Variants in NSRP1 observed in about 807,000 individuals in gnomAD.
The protein encoded by NSRP1 is coiled-coil domain containing 55.
A neutral mutation model predicts 54.7 loss-of-function variants in NSRP1; 24 were observed. The ratio of observed to expected loss-of-function variants is 0.44; its 90% CI spans 0.32 to 0.62. NSRP1 has a LOEUF of 0.62. Ranked by LOEUF, NSRP1 falls within the 20% of genes least tolerant of loss-of-function variation. The pLI is 0.06. For synonymous variants in NSRP1, 210 were observed against 213.8 expected (o/e 0.98, Z 0.15); for missense variants, 596 against 651.2 (o/e 0.92, Z 0.92).
chr17:30,171,976 C>CACACA (rs1567804388), intron 2 of NSRP1, among the ~76,000 whole-genome samples: 2 of 80,436 alleles, frequency 2.5e-5, no homozygotes, highest in Non-Finnish European at 5.0e-5. Flanking sequence ...ACACACACTC[C>CACACA]CTCTCTCTCT....
intron 6 of NSRP1, 126 bp downstream of exon 6, chr17:30,181,142 A>G: frequency 1.5e-6 from 1 of 656,938 alleles, no homozygotes; most frequent in Non-Finnish European, 2.7e-6. Flanking sequence ...AGCCAGCCTT[A>G]CCTAACTGAA....
At chr17:30,175,683 G>C (rs1905103190) in intron 3 of NSRP1, among the ~76,000 whole-genome samples, 1 of 152,076 alleles carries the variant, frequency 6.6e-6, no homozygotes, top group Non-Finnish European at 1.5e-5. Context: ...GGGATTACAG[G>C]CATGAGTTGC....
At chr17:30,138,457 G>A (rs1288727811) in intron 2 of NSRP1, among the ~76,000 whole-genome samples, 2 of 152,192 alleles carry the variant, frequency 1.3e-5, no homozygotes, top group South Asian at 2.1e-4. Context: ...ACCTATGCAC[G>A]TTCTCCCATA....
chr17:30,164,517 C>A (rs1904660636), intron 2 of NSRP1, among the ~76,000 whole-genome samples: 1 of 152,138 alleles, frequency 6.6e-6, no homozygotes, highest in South Asian at 2.1e-4. Context: ...GCACCATTGG[C>A]TGAGCATGGT....
intron 2 of NSRP1, among the ~76,000 whole-genome samples, chr17:30,170,073 A>T (rs1904873633): frequency 6.6e-6 from 1 of 152,122 alleles, no homozygotes; most frequent in Admixed American, 6.5e-5. Flanking sequence ...CCTTGCCCCC[A>T]CAAATGAAAG....
At chr17:30,132,951 T>G (rs1375804372) in intron 2 of NSRP1, among the ~76,000 whole-genome samples, 7 of 152,102 alleles carry the variant, frequency 4.6e-5, no homozygotes, top group Admixed American at 4.6e-4. Flanking sequence ...TGTATTTTTG[T>G]TTTTTCGAGA....
chr17:30,132,318 T>C (rs1241078826), intron 2 of NSRP1, among the ~76,000 whole-genome samples: 1 of 147,538 alleles, frequency 6.8e-6, no homozygotes, highest in Admixed American at 6.8e-5. Flanking sequence ...TTTGGGAGAC[T>C]GAAGTAGGCG....
intron 2 of NSRP1, among the ~76,000 whole-genome samples, chr17:30,166,665 A>G (rs937598223): frequency 6.6e-6 from 1 of 152,096 alleles, no homozygotes; most frequent in Non-Finnish European, 1.5e-5. Flanking sequence ...GCTCATGCCT[A>G]TAATCCTAGC....
intron 2 of NSRP1, among the ~76,000 whole-genome samples, chr17:30,170,360 C>T (rs1904885231): frequency 6.6e-6 from 1 of 151,992 alleles, no homozygotes; most frequent in African/African-American, 2.4e-5. Flanking sequence ...GCATGAATAC[C>T]ATATATAGTA....
At chr17:30,162,336 G>C (rs909419722) in intron 2 of NSRP1, among the ~76,000 whole-genome samples, 1 of 152,066 alleles carries the variant, frequency 6.6e-6, no homozygotes, top group Non-Finnish European at 1.5e-5. Context: ...AGCCAGCCAT[G>C]TCTATTTTTT....
At chr17:30,169,857 A>AG (rs1491186110) in intron 2 of NSRP1, among the ~76,000 whole-genome samples, 14 of 151,832 alleles carry the variant, frequency 9.2e-5, no homozygotes, top group Non-Finnish European at 1.8e-4. Flanking sequence ...AAAAAAAAAA[A>AG]GCACCAATTG....
chr17:30,155,419 G>T (rs570037017), intron 2 of NSRP1, among the ~76,000 whole-genome samples: 1 of 152,064 alleles, frequency 6.6e-6, no homozygotes, highest in African/African-American at 2.4e-5. Flanking sequence ...TGTTCAATAT[G>T]ATATTTTTCT....
In NSRP1 at chr17:30,185,673, G is replaced by A. The variant is rs754465146; in HGVS notation, c.1676G>A (p.Ter559=). Residue 559 remains the stop codon, a stop_retained_variant, in exon 7 of 7, where the codon TGA becomes TAA. Transcript: ENST00000247026. ...AKTYIEKEDD[*] ...ACCTATATTGAGAAAGAAGATGATT[G>A]ATGGCTACCCCAAGAGAAAGATTTA... The A allele has an allele frequency of 4.5e-6, 7 of 1,556,176 alleles. No homozygotes were observed. In the Admixed American group the frequency reaches 1.1e-4, roughly 23 times the overall value.
intron 2 of NSRP1, among the ~76,000 whole-genome samples, chr17:30,139,494 T>C (rs1014382315): frequency 6.6e-6 from 1 of 152,192 alleles, no homozygotes; most frequent in African/African-American, 2.4e-5. Flanking sequence ...GTTTTATAGT[T>C]TTAGCCCTTA....
intron 3 of NSRP1, among the ~76,000 whole-genome samples, chr17:30,173,792 G>A (rs943158829): frequency 2.0e-5 from 3 of 152,188 alleles, no homozygotes; most frequent in Non-Finnish European, 2.9e-5. Context: ...AAATGGTAGG[G>A]CTGTGTTCAA....
chr17:30,144,257 A>ATTTTTTTT, intron 2 of NSRP1: 1 of 145,994 alleles, frequency 6.8e-6, no homozygotes, highest in South Asian at 2.1e-4. Context: ...TATTATTATT[A>ATTTTTTTT]TTATTATTAT....
rs1016587704 is a variant in NSRP1 at position 30,186,342 on chromosome 17, T to C, written c.*668T>C. The stretch of plus-strand genomic sequence containing the variant: ...CAGGAAATGTATTTCAGATAAAATA[T>C]GGATTTGAAAAACAGAAAATATACT... On this transcript the variant is annotated 3_prime_UTR_variant, in exon 7 of 7. Transcript: ENST00000247026. 1.3e-5 allele frequency: 2 copies of C among 152,242 alleles called. No individual in the cohort carries two copies. The highest frequency in any genetic ancestry group is 4.8e-5 in the African/African-American group (2 of 41,460). 9.4% of individuals were successfully genotyped at this position (152,242 alleles called of 1,614,324 possible).
intron 2 of NSRP1, among the ~76,000 whole-genome samples, chr17:30,138,218 A>G (rs967070599): frequency 2.0e-5 from 3 of 152,168 alleles, no homozygotes; most frequent in African/African-American, 7.2e-5. Context: ...TGTGTATCAC[A>G]TTTTGTTTAA....
intron 2 of NSRP1, among the ~76,000 whole-genome samples, chr17:30,120,320 A>G (rs191750203): frequency 6.6e-6 from 1 of 152,202 alleles, no homozygotes; most frequent in Non-Finnish European, 1.5e-5. Flanking sequence ...AATTGACCAT[A>G]AGAAATGAAT....
Sources: allele counts gnomAD v4.1 joint callset (sites outside exome capture counted in the v4.1 genomes callset), GRCh38; gene constraint gnomAD v4.1.1; transcripts MANE v1.5; gene names NCBI Gene and HGNC (gene_info 2026-07-23, HGNC 2026-07-21).